CENPE: variants seen among roughly 807,000 people sequenced by gnomAD.
CENPE encodes centromere-associated protein E.
In CENPE, 145 loss-of-function variants were observed where a neutral mutation model predicts 336.1. That is an observed-to-expected ratio of 0.43 (90% CI 0.38 to 0.50). The LOEUF (loss-of-function observed/expected upper bound fraction) is 0.50, where lower values mean the gene tolerates loss of function less well. Ranked by LOEUF, CENPE falls within the 20% of genes least tolerant of loss-of-function variation. CENPE has a pLI of 0.00. For synonymous variants in CENPE, 1,013 were observed against 984.8 expected (o/e 1.03, Z -0.54); for missense variants, 2,719 against 3,023.3 (o/e 0.90, Z 2.36).
At chr4:103,178,282 C>T (rs996988368) in intron 13 of CENPE, among the ~76,000 whole-genome samples, 4 of 152,114 alleles carry the variant, frequency 2.6e-5, no homozygotes, top group Non-Finnish European at 5.9e-5. Context: ...TAAACTGGAC[C>T]TTTAATGTTG....
At chr4:103,189,421 C>T (rs1473321385) in intron 8 of CENPE, among the ~76,000 whole-genome samples, 1 of 152,122 alleles carries the variant, frequency 6.6e-6, no homozygotes, top group Non-Finnish European at 1.5e-5. Flanking sequence ...AATCCAGCAG[C>T]ACATCAAAAA....
Position 103,136,211 on chromosome 4 carries a change from T to C in CENPE, c.6452A>G (p.His2151Arg), listed in dbSNP as rs762974922. The C allele has an allele frequency of 2.5e-6, 4 of 1,613,904 alleles. No individual in the cohort carries two copies. The highest frequency in any genetic ancestry group is 2.2e-5 in the East Asian group (1 of 44,812). ...NLSLPYLQTK[H>R]IEKLFTANQR... ...GTTTGCAGTAAAAAGTTTTTCAATG[T>C]GTTTGGTTTGTAAATAGGGAAGTGA... The change falls in exon 40 of 49, where the codon CAC becomes CGC. Residue 2151 changes from histidine to arginine, a missense_variant. His to Arg is a conservative substitution (Grantham distance 29). Around this residue, in one of 5 missense-constraint regions of CENPE, gnomAD observed 2,437 missense variants for 2,513.3 expected, o/e 0.97. Coordinates refer to ENST00000265148, the MANE Select transcript of CENPE (RefSeq NM_001813.3).
At chr4:103,117,909 T>A (rs1750284652) in intron 44 of CENPE, among the ~76,000 whole-genome samples, 1 of 152,196 alleles carries the variant, frequency 6.6e-6, no homozygotes, top group South Asian at 2.1e-4. Context: ...ATTACAGGCA[T>A]GAGCCACTGC....
At chr4:103,146,821 CAGATAGCCAGGGAA>C (rs747242289) in intron 29 of CENPE, among the ~76,000 whole-genome samples, 27 of 152,114 alleles carry the variant, frequency 1.8e-4, no homozygotes, top group Non-Finnish European at 3.4e-4. Context: ...GAGACTACTG[CAGATAGCCAGGGAA>C]AGAAATGATG....
chr4:103,116,030 C>T (rs569035864), intron 45 of CENPE, among the ~76,000 whole-genome samples: 1 of 152,198 alleles, frequency 6.6e-6, no homozygotes, highest in African/African-American at 2.4e-5. Context: ...CTTCAGTTTC[C>T]TTGACTCTCT....
Position 103,149,185 on chromosome 4 carries a change from T to A in CENPE, c.3620A>T (p.Glu1207Val). 6.2e-7 allele frequency: 1 copy of A among 1,610,866 alleles called. No individual in the cohort carries two copies. Among genetic ancestry groups the A allele is most frequent in the Non-Finnish European group, 8.5e-7 (1 of 1,179,458 alleles). The change falls in exon 27 of 49, where the codon GAA (glutamate) becomes GTA (valine). Residue 1207 changes from glutamate to valine, a missense_variant. Around this residue, in one of 5 missense-constraint regions of CENPE, gnomAD observed 2,437 missense variants for 2,513.3 expected, o/e 0.97. Transcript: ENST00000265148. The part of the protein sequence containing the change: ...SITKERKVLK[E>V]LQKSFETERD... ...CTCTGTTTCAAATGACTTCTGTAAT[T>A]CCTTTAGAACTTTTCTTTCTTTGGT... is the stretch of plus-strand genomic sequence containing the variant.
rs148056533 is a variant in CENPE at position 103,145,657 on chromosome 4, T to C, written c.4438A>G (p.Lys1480Glu). 241 of 1,600,602 alleles carry C rather than the reference T, an allele frequency of 1.5e-4. 1 individual carries two copies. In the African/African-American group the frequency reaches 2.8e-3, roughly 18 times the overall value. Reference protein sequence around the residue: ...AKHLETEEELKVAHCCLKEQE... With the variant: ...AKHLETEEELEVAHCCLKEQE... ...TCTTTCAGGCAACAATGAGCAACTT[T>C]AAGTTCCTCTTCAGTTTCCAGGTGC... is the stretch of plus-strand genomic sequence containing the variant. The change falls in exon 31 of 49, where the codon AAA becomes GAA. Residue 1480 changes from lysine (K) to glutamate (E), a missense_variant. Lys to Glu is a moderately conservative substitution (Grantham distance 56). This residue lies in a region of CENPE where 2,437 missense variants were observed against 2,513.3 expected (regional missense o/e 0.97). Coordinates refer to ENST00000265148, the MANE Select transcript of CENPE (RefSeq NM_001813.3).
At chr4:103,138,515 C>T (rs1024876741) in intron 38 of CENPE, 66 bp from the exon 39 acceptor site, 9 of 970,710 alleles carry the variant, frequency 9.3e-6, no homozygotes, top group African/African-American at 3.2e-5. Flanking sequence ...AATGTCTAAT[C>T]GCACACTTCT....
At chr4:103,160,811 C>G (rs1273665538) in intron 20 of CENPE, 32 bp from the exon 21 acceptor site, 1 of 1,521,318 alleles carries the variant, frequency 6.6e-7, no homozygotes, top group Non-Finnish European at 8.9e-7. Context: ...TATAAAGATC[C>G]AATGTTGCCA....
chr4:103,112,019 C>T (rs970537938), intron 46 of CENPE, among the ~76,000 whole-genome samples: 21 of 151,452 alleles, frequency 1.4e-4, no homozygotes, highest in Non-Finnish European at 2.9e-4. Flanking sequence ...TGTATATACA[C>T]TTTTTTAAAA....
At chr4:103,181,262 G>A in intron 12 of CENPE, 75 bp downstream of exon 12, 1 of 1,056,752 alleles carries the variant, frequency 9.5e-7, no homozygotes, top group Non-Finnish European at 1.3e-6. Flanking sequence ...GGAATGAAGA[G>A]TCTCTGAGCA....
chr4:103,151,845 G>C (rs1016778693), intron 25 of CENPE, among the ~76,000 whole-genome samples: 3 of 152,118 alleles, frequency 2.0e-5, no homozygotes, highest in African/African-American at 7.2e-5. Context: ...ACATTCTCAC[G>C]TATCAAGACC....
intron 48 of CENPE, among the ~76,000 whole-genome samples, chr4:103,108,183 T>C (rs952114147): frequency 2.0e-5 from 3 of 152,136 alleles, no homozygotes; most frequent in Non-Finnish European, 4.4e-5. Context: ...CCTTCCTCAA[T>C]ACTCCTCAAA....
intron 2 of CENPE, 106 bp from the exon 3 acceptor site, chr4:103,196,358 G>A: frequency 2.0e-5 from 17 of 869,000 alleles, no homozygotes; most frequent in Non-Finnish European, 1.8e-6. Flanking sequence ...CTGTCAGAAT[G>A]TAGGATGATC....
chr4:103,137,956 GCTAA>G (rs925182361), intron 39 of CENPE, among the ~76,000 whole-genome samples: 1 of 152,010 alleles, frequency 6.6e-6, no homozygotes, highest in African/African-American at 2.4e-5. Flanking sequence ...CCTCTTCCCT[GCTAA>G]CTCTCTGATC....
At position 103,114,503 on chromosome 4, in the gene CENPE, G is replaced by C; in HGVS notation, c.7492C>G (p.Leu2498Val). ...TVEYQKEVIR[L>V]LRENLRRSQQ... is the part of the protein sequence containing the mutation. ...CTTCTTCTGAGATTTTCTCTCAATA[G>C]CCTTATAACTTCCTTTTGATATTCT... The change falls in exon 46 of 49, where the codon CTA (leucine) becomes GTA (valine). Residue 2498 changes from leucine (L) to valine (V), a missense_variant. Transcript: ENST00000265148. 1 of 1,611,586 alleles carries C rather than the reference G, an allele frequency of 6.2e-7. No homozygotes were observed. The highest frequency in any genetic ancestry group is 1.3e-5 in the African/African-American group (1 of 74,998).
At chr4:103,134,403 C>T (rs975808418) in intron 40 of CENPE, among the ~76,000 whole-genome samples, 5 of 151,774 alleles carry the variant, frequency 3.3e-5, no homozygotes, top group South Asian at 2.1e-4. Context: ...GGGAGGCTGA[C>T]GTGGGCAGAT....
intron 46 of CENPE, among the ~76,000 whole-genome samples, chr4:103,112,989 CTTATAAGTATATAAGTGTATATATAT>C (rs1749661480): frequency 2.1e-5 from 1 of 46,780 alleles, no homozygotes; most frequent in Non-Finnish European, 3.6e-5. Flanking sequence ...TATATATATA[CTTATAAGTATATAAGTGTATATATAT>C]ACTTATAAGT....
In CENPE at chr4:103,147,606, A is replaced by G. The variant is rs1312949660; in HGVS notation, c.3884T>C (p.Val1295Ala). Residue 1295 changes from valine (V) to alanine (A), a missense_variant, in exon 29 of 49, where the codon GTG becomes GCG. Val to Ala is a moderately conservative substitution (Grantham distance 64). This residue lies in a region of CENPE where 2,437 missense variants were observed against 2,513.3 expected (regional missense o/e 0.97). Transcript: ENST00000265148. ...TTCCTGAGTCTCACTGACTTCTTTC[A>G]CATTAGGCAGTAACTCTTGTTCCTC... is the stretch of plus-strand genomic sequence containing the variant. ...LHEEQELLPN[V>A]KEVSETQETM... 6.2e-7 allele frequency: 1 copy of G among 1,613,310 alleles called. No homozygotes were observed.
Sources: allele counts gnomAD v4.1 joint callset (sites outside exome capture counted in the v4.1 genomes callset), GRCh38; gene constraint gnomAD v4.1.1; regional missense constraint gnomAD v4.1.1; transcripts MANE v1.5; gene names NCBI Gene and HGNC (gene_info 2026-07-23, HGNC 2026-07-21).